Variants in FAM171A1 observed in about 807,000 individuals in gnomAD.
FAM171A1 encodes protein FAM171A1.
FAM171A1 carries 23 observed loss-of-function variants against 74.9 expected under a neutral mutation model. The ratio of observed to expected loss-of-function variants is 0.31; its 90% CI spans 0.22 to 0.44. FAM171A1 has a LOEUF of 0.44. FAM171A1 is among the 20% of genes least tolerant of loss of function. FAM171A1 has a pLI of 1.00. For missense variants in FAM171A1, 1,162 were observed against 1,159.2 expected, an observed-to-expected ratio of 1.00 and a Z score of -0.03; for synonymous variants, 527 against 505.7, an observed-to-expected ratio of 1.04 and a Z score of -0.57.
chr10:15,240,746 C>T (rs952877712), intron 5 of FAM171A1: 19 of 984,998 alleles, frequency 1.9e-5, no homozygotes, highest in African/African-American at 5.2e-5. Flanking sequence ...AGTGTTAAAA[C>T]GTGATTTTGA....
rs927546480 is a variant in FAM171A1 at position 15,217,805 on chromosome 10, T to C, written c.872-1695A>G. Among the ~76,000 whole-genome samples, 52 of 151,152 alleles carry C rather than the reference T, an allele frequency of 3.4e-4. 1 individual carries two copies. The highest frequency in any genetic ancestry group is 3.0e-3 in the Admixed American group (45 of 15,190). On this transcript the variant is annotated intron_variant, in intron 6 of 7. Transcript: ENST00000378116. ...GGCGCCCGCCACCATGCCTGGCTAA[T>C]TTTTTTAAGTAGAGATGGGGTTTCA...
In FAM171A1 at chr10:15,212,897, A is replaced by T. The variant is rs1402937917; in HGVS notation, c.*18T>A. The stretch of plus-strand genomic sequence containing the variant: ...TTTGGCAATTTTATATTCCACAGTC[A>T]GGTGGGTCTGCGATAGCTCATTTAA... On this transcript the variant is annotated 3_prime_UTR_variant, in exon 8 of 8. Coordinates refer to ENST00000378116, the MANE Select transcript of FAM171A1 (RefSeq NM_001010924.2). 6.2e-7 allele frequency: 1 copy of T among 1,611,010 alleles called. No individual in the cohort carries two copies. Among genetic ancestry groups the T allele is most frequent in the Non-Finnish European group, 8.5e-7 (1 of 1,179,344 alleles).
At chr10:15,289,372 A>G (rs1004272719) in intron 1 of FAM171A1, among the ~76,000 whole-genome samples, 49 of 152,194 alleles carry the variant, frequency 3.2e-4, no homozygotes, top group Middle Eastern at 3.4e-3. Flanking sequence ...GACCCCGCTG[A>G]GTTGGTCACC....
intron 1 of FAM171A1, among the ~76,000 whole-genome samples, chr10:15,332,798 T>G (rs1193711636): frequency 6.6e-6 from 1 of 152,170 alleles, no homozygotes; most frequent in Admixed American, 6.5e-5. Context: ...GGGTATTCTA[T>G]GAGGAAAGCA....
Position 15,214,012 on chromosome 10 carries a change from G to A in FAM171A1, c.1576C>T (p.Pro526Ser). ...CGGTCCAGCAGCTGTTCTTTCTCAG[G>A]TGATGAAGGCGCGGGGTACAGATGT... ...QEHLYPAPSS[P>S]EKEQLLDRRP... Residue 526 changes from proline to serine, a missense_variant, in exon 8 of 8, where the codon CCT becomes TCT. Physicochemically the swap from Pro to Ser is moderately conservative, Grantham distance 74. Transcript: ENST00000378116. 1 of 1,614,174 alleles carries A rather than the reference G, an allele frequency of 6.2e-7. No homozygotes were observed. The highest frequency in any genetic ancestry group is 1.3e-5 in the African/African-American group (1 of 75,032).
intron 5 of FAM171A1, among the ~76,000 whole-genome samples, chr10:15,236,907 C>T (rs1303004871): frequency 6.6e-6 from 1 of 152,056 alleles, no homozygotes; most frequent in African/African-American, 2.4e-5. Context: ...CGCTGGCCAA[C>T]ATGGTGATAC....
At chr10:15,346,389 G>A (rs2131875302) in intron 1 of FAM171A1, among the ~76,000 whole-genome samples, 1 of 152,238 alleles carries the variant, frequency 6.6e-6, no homozygotes, top group South Asian at 2.1e-4. Flanking sequence ...GAGCCACTAC[G>A]CCCAGCCCAC....
At position 15,302,662 on chromosome 10, in the gene FAM171A1, T is replaced by C. The variant is rs371712388; in HGVS notation, c.98-18557A>G. Among the ~76,000 whole-genome samples the C allele has an allele frequency of 4.2e-4, 64 of 152,318 alleles. 1 individual carries two copies. The East Asian group carries it at 0.012, about 29-fold the overall frequency. ...AGCACTGATCATCTTAGTTCCCTTT[T>C]AAACCTGAAGGGTTGCAAAGCCACA... On this transcript the variant is annotated intron_variant, in intron 1 of 7. Coordinates refer to ENST00000378116, the MANE Select transcript of FAM171A1 (RefSeq NM_001010924.2).
chr10:15,242,434 G>A (rs1033179518), intron 5 of FAM171A1, among the ~76,000 whole-genome samples: 1 of 152,142 alleles, frequency 6.6e-6, no homozygotes, highest in African/African-American at 2.4e-5. Context: ...CTGCATACAT[G>A]CAATCTGTTA....
intron 1 of FAM171A1, among the ~76,000 whole-genome samples, chr10:15,365,779 A>AAG (rs1554758348): frequency 2.8e-4 from 42 of 151,256 alleles, no homozygotes; most frequent in African/African-American, 4.6e-4. Flanking sequence ...AAAAAAAAAA[A>AAG]AGAGAGAGAA....
chr10:15,256,518 T>C (rs952145063), intron 3 of FAM171A1, among the ~76,000 whole-genome samples: 13 of 152,258 alleles, frequency 8.5e-5, no homozygotes, highest in African/African-American at 2.9e-4. Flanking sequence ...CCCAAAATCA[T>C]GAGAGTCCTA....
rs199915147 is a variant in FAM171A1, at chr10:15,213,721, C to A, written c.1867G>T (p.Ala623Ser). 4.2e-5 allele frequency: 68 copies of A among 1,612,158 alleles called. No homozygotes were observed. In the Admixed American group the frequency reaches 1.1e-3, roughly 27 times the overall value. ...RLQAELSNPH[A>S]GIFPHPSSQI... Reference sequence around the variant, plus strand: ...GAGGACGGGTGTGGGAAGATCCCGGCATGGGGATTGGACAGCTCAGCCTGT... The same window carrying A: ...GAGGACGGGTGTGGGAAGATCCCGGAATGGGGATTGGACAGCTCAGCCTGT... The change falls in exon 8 of 8, where the codon GCC becomes TCC. Residue 623 changes from alanine to serine, a missense_variant. Ala to Ser is a moderately conservative substitution (Grantham distance 99, BLOSUM62 1). Transcript: ENST00000378116. This position sits in a 1 kb window ranked among gnomAD's most constrained non-coding sequence, Gnocchi z 6.8.
chr10:15,353,594 C>G (rs2131882312), intron 1 of FAM171A1, among the ~76,000 whole-genome samples: 1 of 152,256 alleles, frequency 6.6e-6, no homozygotes, highest in East Asian at 1.9e-4. Context: ...TTTATAAAAT[C>G]TGTATTTGAA....
intron 3 of FAM171A1, among the ~76,000 whole-genome samples, chr10:15,260,219 T>C (rs1834637650): frequency 6.6e-6 from 1 of 152,118 alleles, no homozygotes; most frequent in Non-Finnish European, 1.5e-5. Flanking sequence ...AGCCACCTCT[T>C]CTATGTAGTC....
At chr10:15,218,143 G>A (rs1243364567) in intron 6 of FAM171A1, among the ~76,000 whole-genome samples, 1 of 151,932 alleles carries the variant, frequency 6.6e-6, no homozygotes, top group Non-Finnish European at 1.5e-5. Context: ...GCAGTGGCAC[G>A]ATCTGGGCTC....
intron 1 of FAM171A1, among the ~76,000 whole-genome samples, chr10:15,369,624 G>T (rs1339577220): frequency 6.6e-6 from 1 of 152,208 alleles, no homozygotes; most frequent in Non-Finnish European, 1.5e-5. Context: ...GCAAGTGCCA[G>T]AATATGAAAA....
chr10:15,339,748 G>T (rs966315607), intron 1 of FAM171A1, among the ~76,000 whole-genome samples: 3 of 152,134 alleles, frequency 2.0e-5, no homozygotes, highest in East Asian at 1.9e-4. Flanking sequence ...TATGCTCCCT[G>T]TATTCGTCTG....
chr10:15,263,733 A>G (rs12763526), intron 3 of FAM171A1, among the ~76,000 whole-genome samples: 31,128 of 131,748 alleles, frequency 0.24, 3,233 homozygotes, highest in Non-Finnish European at 0.26. Flanking sequence ...CTATCTATCT[A>G]TCTGTCTGTC....
At chr10:15,250,476 A>G (rs1834493505) in intron 4 of FAM171A1, among the ~76,000 whole-genome samples, 1 of 152,224 alleles carries the variant, frequency 6.6e-6, no homozygotes. Context: ...ACTACAGAAA[A>G]GCTGGCCAGG....
Sources: gnomAD v4.1 joint callset for allele counts (sites outside exome capture counted in the v4.1 genomes callset) on GRCh38, gnomAD v4.1.1 for gene constraint, Gnocchi (gnomAD v3.1) non-coding constraint, MANE v1.5 for transcripts, NCBI Gene and HGNC (gene_info 2026-07-23, HGNC 2026-07-21) for gene names.